Variants in BABAM2 observed in about 807,000 individuals in gnomAD.
BABAM2 encodes BRISC and BRCA1-A complex member 2.
In BABAM2, 31 loss-of-function variants were observed where a neutral mutation model predicts 54.7. The ratio of observed to expected loss-of-function variants is 0.57; its 90% CI spans 0.43 to 0.77. The LOEUF (loss-of-function observed/expected upper bound fraction) is 0.77. BABAM2 is among the 30% of genes least tolerant of loss of function. BABAM2 has a pLI of 0.00. For synonymous variants in BABAM2, 167 were observed against 162.9 expected, an observed-to-expected ratio of 1.03 and a Z score of -0.19; for missense variants, 364 against 455.8, an observed-to-expected ratio of 0.80 and a Z score of 1.83.
intron 6 of BABAM2, among the ~76,000 whole-genome samples, chr2:28,057,807 G>A (rs924025741): frequency 2.0e-5 from 3 of 152,176 alleles, no homozygotes; most frequent in African/African-American, 7.2e-5. Flanking sequence ...TTATAAAGGA[G>A]GTGACATTTG....
intron 6 of BABAM2, among the ~76,000 whole-genome samples, chr2:28,069,789 A>T (rs1663955283): frequency 6.6e-6 from 1 of 152,232 alleles, no homozygotes; most frequent in South Asian, 2.1e-4. Context: ...GAGTTAATAC[A>T]TGTAACTGGT....
intron 3 of BABAM2, among the ~76,000 whole-genome samples, chr2:27,964,944 A>T (rs1670734840): frequency 6.6e-6 from 1 of 152,168 alleles, no homozygotes. Flanking sequence ...AATATAAGGA[A>T]CTGCTTTGGG....
At chr2:28,166,256 T>C (rs1057403237) in intron 7 of BABAM2, among the ~76,000 whole-genome samples, 1 of 152,172 alleles carries the variant, frequency 6.6e-6, no homozygotes, top group African/African-American at 2.4e-5. Flanking sequence ...TTTGTAAAGA[T>C]AACTAGAGTC....
chr2:27,925,567 C>T (rs935758126), intron 2 of BABAM2, among the ~76,000 whole-genome samples: 2 of 152,162 alleles, frequency 1.3e-5, no homozygotes, highest in Non-Finnish European at 2.9e-5. Flanking sequence ...CCACATTGCT[C>T]CCAGCTGCCC....
intron 6 of BABAM2, among the ~76,000 whole-genome samples, chr2:28,051,958 G>T (rs971728301): frequency 4.4e-4 from 67 of 151,672 alleles, no homozygotes; most frequent in Admixed American, 7.2e-4. Context: ...CCAAGTCAGG[G>T]TTTTAAAATG....
chr2:27,933,888 C>G (rs1028430996), intron 3 of BABAM2, among the ~76,000 whole-genome samples: 1 of 151,756 alleles, frequency 6.6e-6, no homozygotes, highest in African/African-American at 2.4e-5. Context: ...CACACACCAC[C>G]ATGCCCAGAT....
chr2:28,026,971 A>AATAT lies in BABAM2; in HGVS notation c.495+1555_495+1558dup, dbSNP rs1200500932. 3.3e-4 allele frequency among the ~76,000 whole-genome samples: 29 copies of AATAT among 86,862 alleles called. 1 individual carries two copies. The highest frequency in any genetic ancestry group is 1.2e-3 in the Admixed American group (7 of 5,956). The allele number at this position is 86,862 out of a possible 152,430, so 57.0% of individuals were successfully genotyped here. A position where few individuals can be genotyped will look rare whatever the true frequency, so the allele number is the denominator to read the frequency against. On this transcript the variant is annotated intron_variant, in intron 5 of 11. Transcript: ENST00000379624. Reference sequence around the variant, plus strand: ...ATTAATATATATAAATATATATATAAATATATAAATATATATAAAAATATA... The same window carrying AATAT: ...ATTAATATATATAAATATATATATAAATATATATATAAATATATATAAAAATATA...
chr2:27,924,403 T>C (rs76677497), intron 2 of BABAM2, among the ~76,000 whole-genome samples: 1 of 152,036 alleles, frequency 6.6e-6, no homozygotes, highest in East Asian at 1.9e-4. Flanking sequence ...TTTTTTTTTT[T>C]AGGCAGAGTC....
At chr2:28,155,164 T>C (rs1672431430) in intron 7 of BABAM2, among the ~76,000 whole-genome samples, 1 of 152,166 alleles carries the variant, frequency 6.6e-6, no homozygotes, top group African/African-American at 2.4e-5. Flanking sequence ...AAAAAAGTAC[T>C]TGGAGACTTC....
chr2:28,317,812 C>T (rs560630684), intron 11 of BABAM2, among the ~76,000 whole-genome samples: 2 of 152,296 alleles, frequency 1.3e-5, no homozygotes, highest in East Asian at 3.9e-4. Context: ...GTTCCTGTTT[C>T]TCCCCTTTTC....
At chr2:28,048,968 A>C (rs1677806516) in intron 6 of BABAM2, among the ~76,000 whole-genome samples, 1 of 152,212 alleles carries the variant, frequency 6.6e-6, no homozygotes, top group South Asian at 2.1e-4. Flanking sequence ...GATGCTAAGA[A>C]GGCTGTGTTT....
chr2:28,151,360 G>A (rs1672016759), intron 7 of BABAM2, among the ~76,000 whole-genome samples: 1 of 152,114 alleles, frequency 6.6e-6, no homozygotes, highest in African/African-American at 2.4e-5. Context: ...ATCACCCGAG[G>A]TCAGGAGTTC....
chr2:28,142,058 C>T (rs937125104), intron 7 of BABAM2, among the ~76,000 whole-genome samples: 5 of 139,320 alleles, frequency 3.6e-5, no homozygotes, highest in Admixed American at 2.2e-4. Context: ...GAGCTCTGTA[C>T]ACTGTTGTTG....
chr2:28,027,881 G>T (rs1558668973), intron 5 of BABAM2, among the ~76,000 whole-genome samples: 3 of 151,842 alleles, frequency 2.0e-5, no homozygotes. Flanking sequence ...GCTCCACATG[G>T]TTTTTTTGCA....
chr2:28,286,103 G>A (rs1686782118), intron 10 of BABAM2, among the ~76,000 whole-genome samples: 1 of 151,766 alleles, frequency 6.6e-6, no homozygotes, highest in African/African-American at 2.4e-5. Flanking sequence ...TTACAGGCAG[G>A]CACCACCACG....
At chr2:27,893,004 C>T (rs967457328) in intron 1 of BABAM2, among the ~76,000 whole-genome samples, 2 of 152,156 alleles carry the variant, frequency 1.3e-5, no homozygotes, top group African/African-American at 4.8e-5. Context: ...TACTTACTAT[C>T]TGAAATAATA....
intron 7 of BABAM2, among the ~76,000 whole-genome samples, chr2:28,177,310 A>T (rs1221977159): frequency 1.3e-5 from 2 of 152,162 alleles, no homozygotes; most frequent in African/African-American, 2.4e-5. Flanking sequence ...CAGCAAAGTT[A>T]TCTTTCACAA....
intron 11 of BABAM2, among the ~76,000 whole-genome samples, chr2:28,318,696 G>A (rs1689772967): frequency 6.6e-6 from 1 of 152,192 alleles, no homozygotes; most frequent in African/African-American, 2.4e-5. Flanking sequence ...ATTTTGCTGT[G>A]TGTCTGTATT....
intron 6 of BABAM2, among the ~76,000 whole-genome samples, chr2:28,109,694 C>T (rs1667837008): frequency 6.6e-6 from 1 of 152,148 alleles, no homozygotes; most frequent in African/African-American, 2.4e-5. Flanking sequence ...CCAGCTCTCT[C>T]CACCTGACGC....
Sources: gnomAD v4.1 joint callset for allele counts (sites outside exome capture counted in the v4.1 genomes callset) on GRCh38, gnomAD v4.1.1 for gene constraint, MANE v1.5 for transcripts, NCBI Gene and HGNC (gene_info 2026-07-23, HGNC 2026-07-21) for gene names.